Variants in KIF5A observed in about 807,000 individuals in gnomAD.
KIF5A encodes kinesin heavy chain isoform 5A.
In KIF5A, 35 loss-of-function variants were observed where a neutral mutation model predicts 141.3. That is an observed-to-expected ratio of 0.25 (90% CI 0.19 to 0.33). KIF5A has a LOEUF of 0.33. Among genes scored for constraint, KIF5A ranks in the 10% least tolerant of loss-of-function variants. The probability of loss-of-function intolerance (pLI) is 1.00; values close to 1 mark genes in which losing one functional copy is unlikely to be tolerated. For missense variants in KIF5A, 861 were observed against 1,314.3 expected (o/e 0.66, Z 5.33); for synonymous variants, 448 against 500.2 (o/e 0.90, Z 1.39).
intron 19 of KIF5A, 100 bp from the exon 20 acceptor site, chr12:57,576,661 C>T (rs916827945): frequency 8.9e-5 from 78 of 879,422 alleles, no homozygotes; most frequent in Non-Finnish European, 7.1e-5. Flanking sequence ...TCTAACTGGA[C>T]TCACTCGTTC....
chr12:57,581,422 C>T lies in KIF5A; in HGVS notation c.2763C>T (p.Pro921=), dbSNP rs769791770. The part of the protein sequence containing the change: ...KRGHSAQIAK[P]VRPGHYPASS... ...TTTCTTTCTTTATTGCAGCCAAACC[C>T]GTCCGGCCTGGCCACTACCCAGCAT... Residue 921 remains proline, a synonymous_variant, in exon 25 of 29, where the codon CCC becomes CCT. Transcript: ENST00000455537. The T allele has an allele frequency of 1.6e-5, 26 of 1,613,928 alleles. No individual in the cohort carries two copies. Among genetic ancestry groups the T allele is most frequent in the South Asian group, 7.7e-5 (7 of 91,078 alleles).
Position 57,575,673 on chromosome 12 carries a change from A to C in KIF5A, c.1939A>C (p.Met647Leu). Reference sequence around the variant, plus strand: ...CAAGATCCGCTCGCTTACGGAATACATGCAGAGCGTGGAGCTAAAGAAGCG... The same window carrying C: ...CAAGATCCGCTCGCTTACGGAATACCTGCAGAGCGTGGAGCTAAAGAAGCG... ...EAKIRSLTEYMQSVELKKRHL... is the reference protein window; with the variant it reads ...EAKIRSLTEYLQSVELKKRHL... Residue 647 changes from methionine to leucine, a missense_variant, in exon 17 of 29, where the codon ATG (methionine) becomes CTG (leucine). Transcript: ENST00000455537. The C allele has an allele frequency of 6.2e-7, 1 of 1,614,172 alleles. No homozygotes were observed. The highest frequency in any genetic ancestry group is 8.5e-7 in the Non-Finnish European group (1 of 1,180,018).
In KIF5A at chr12:57,565,687, C is replaced by T. The variant is rs540013411; in HGVS notation, c.501+714C>T. Among the ~76,000 whole-genome samples, 5 of 143,654 alleles carry T rather than the reference C, an allele frequency of 3.5e-5. No individual in the cohort carries two copies. In the Admixed American group the frequency reaches 3.5e-4, roughly 10 times the overall value. The allele number at this position is 143,654 out of a possible 152,430, so 94.2% of individuals were successfully genotyped here. Reference sequence around the variant, plus strand: ...TTGCCCAGGCTGGAGTGCAGTGGCTCGACCTAGGGTCACTGCAACCTCCCT... The same window carrying T: ...TTGCCCAGGCTGGAGTGCAGTGGCTTGACCTAGGGTCACTGCAACCTCCCT... On this transcript the variant is annotated intron_variant, in intron 6 of 28. Coordinates refer to ENST00000455537, the MANE Select transcript of KIF5A (RefSeq NM_004984.4).
rs1476843909 is a variant in KIF5A, at chr12:57,581,146, G to A, written c.2729G>A (p.Gly910Asp). 4.3e-6 allele frequency: 7 copies of A among 1,613,932 alleles called. 1 individual carries two copies. In the South Asian group the frequency reaches 7.7e-5, roughly 18 times the overall value. The change falls in exon 24 of 29, where the codon GGC (glycine) becomes GAC (aspartate). Residue 910 changes from glycine to aspartate, a missense_variant. Around this residue, in one of 5 missense-constraint regions of KIF5A, gnomAD observed 482 missense variants for 661.3 expected, o/e 0.73. Transcript: ENST00000455537. ...IKEAVRYKSS[G>D]KRGHSAQIAK... ...GAGGCCGTTCGCTACAAGAGCTCGG[G>A]CAAACGGGGCCATTCTGCCCAGATT...
rs767277745 is a variant in KIF5A, at chr12:57,575,656, G to A, written c.1922G>A (p.Arg641His). 14 of 1,613,930 alleles carry A rather than the reference G, an allele frequency of 8.7e-6. No homozygotes were observed. Among genetic ancestry groups the A allele is most frequent in the East Asian group, 2.2e-5 (1 of 44,894 alleles). The stretch of plus-strand genomic sequence containing the variant: ...TCCCACCAGCATGAGGCCAAGATCC[G>A]CTCGCTTACGGAATACATGCAGAGC... ...LLISQHEAKI[R>H]SLTEYMQSVE... The change falls in exon 17 of 29, where the codon CGC becomes CAC. Residue 641 changes from arginine (R) to histidine (H), a missense_variant. Transcript: ENST00000455537.
At chr12:57,565,171 G>A (rs1369972618) in intron 6 of KIF5A, among the ~76,000 whole-genome samples, 198 bp downstream of exon 6, 3 of 152,172 alleles carry the variant, frequency 2.0e-5, no homozygotes, top group Non-Finnish European at 4.4e-5. Flanking sequence ...TGTAATCCCA[G>A]CACTTTGGGA....
intron 1 of KIF5A, among the ~76,000 whole-genome samples, chr12:57,551,186 T>C (rs968196099): frequency 1.3e-5 from 2 of 152,094 alleles, no homozygotes; most frequent in Non-Finnish European, 2.9e-5. Flanking sequence ...CTCTACCTCA[T>C]CATGACAGCC....
chr12:57,550,764 T>C lies in KIF5A; in HGVS notation c.129+364T>C, dbSNP rs1594904264. Among the ~76,000 whole-genome samples, 1 of 152,182 alleles carries C rather than the reference T, an allele frequency of 6.6e-6. No individual in the cohort carries two copies. The highest frequency in any genetic ancestry group is 1.5e-5 in the Non-Finnish European group (1 of 68,020). On this transcript the variant is annotated intron_variant, in intron 1 of 28. Transcript: ENST00000455537. The surrounding 1 kb of genome is among the most constrained non-coding windows in gnomAD (Gnocchi z 4.6). ...AGCGCATCTTCCCTTTGTTATTGGC[T>C]CAGATCTCTACCCCCACCTCCCGGA...
Position 57,577,694 on chromosome 12 carries a change from C to A in KIF5A, c.2301-19C>A. On this transcript the variant is annotated intron_variant, in intron 20 of 28. Transcript: ENST00000455537. ...AGTCCTGAGGGATCTTTCCATTTCCCTTATTTCTCTTGCTACAGATTTCTG... is the reference window on the plus strand; with the variant it reads ...AGTCCTGAGGGATCTTTCCATTTCCATTATTTCTCTTGCTACAGATTTCTG... 6.2e-7 allele frequency: 1 copy of A among 1,609,204 alleles called. No individual in the cohort carries two copies. The highest frequency in any genetic ancestry group is 8.5e-7 in the Non-Finnish European group (1 of 1,175,676).
intron 28 of KIF5A, 60 bp from the exon 29 acceptor site, chr12:57,584,157 TC>T (rs1253889117): frequency 2.0e-5 from 3 of 152,564 alleles, no homozygotes; most frequent in Non-Finnish European, 4.4e-5. Flanking sequence ...TGCCACCTGT[TC>T]CTGTTCTGTG....
At chr12:57,564,046 C>T in intron 3 of KIF5A, 62 bp from the exon 4 acceptor site, 1 of 1,168,812 alleles carries the variant, frequency 8.6e-7, no homozygotes, top group Non-Finnish European at 1.3e-6. Flanking sequence ...CACCTGCATA[C>T]ATCTGAGTTG....
chr12:57,552,868 T>C (rs1447253516), intron 1 of KIF5A, among the ~76,000 whole-genome samples: 3 of 152,116 alleles, frequency 2.0e-5, no homozygotes, highest in African/African-American at 7.2e-5. Flanking sequence ...TCTGCAGCAC[T>C]GCGGCCAGCG....
intron 15 of KIF5A, among the ~76,000 whole-genome samples, chr12:57,574,081 CA>C (rs1160470796): frequency 0.023 from 1,490 of 64,302 alleles, 17 homozygotes; most frequent in African/African-American, 0.064. Context: ...GACTCTGTCT[CA>C]AAAAAAAAAA....
intron 1 of KIF5A, among the ~76,000 whole-genome samples, chr12:57,562,319 G>A (rs768622925): frequency 3.9e-5 from 6 of 152,144 alleles, no homozygotes; most frequent in Non-Finnish European, 5.9e-5. Context: ...GGGTTCAAGC[G>A]ATTCTCCTGC....
Position 57,572,464 on chromosome 12 carries a change from C to T in KIF5A, c.1570-116C>T, listed in dbSNP as rs1882286513. On this transcript the variant is annotated intron_variant, in intron 14 of 28. Transcript: ENST00000455537. The surrounding 1 kb of genome is among the most constrained non-coding windows in gnomAD (Gnocchi z 4.2). ...CTGTCTTTCAGACTCTTCTGCAGGG[C>T]CTGTGTTCTCTTCATAGCAGCCCTC... 1 of 1,405,552 alleles carries T rather than the reference C, an allele frequency of 7.1e-7. No homozygotes were observed. The highest frequency in any genetic ancestry group is 9.9e-7 in the Non-Finnish European group (1 of 1,011,274). 87.1% of individuals were successfully genotyped at this position (1,405,552 alleles called of 1,614,324 possible).
chr12:57,575,129 C>G lies in KIF5A; in HGVS notation c.1762C>G (p.Arg588Gly). The G allele has an allele frequency of 6.2e-7, 1 of 1,614,008 alleles. No individual in the cohort carries two copies. Among genetic ancestry groups the G allele is most frequent in the Non-Finnish European group, 8.5e-7 (1 of 1,179,986 alleles). ...CATCGAGGAGGAGTTCACTGTGGCC[C>G]GACTCTACATCAGCAAAATCAAATC... ...GAIEEEFTVA[R>G]LYISKIKSEV... The change falls in exon 16 of 29, where the codon CGA becomes GGA. Residue 588 changes from arginine to glycine, a missense_variant. Arg to Gly is a moderately radical substitution (Grantham distance 125). Transcript: ENST00000455537.
At chr12:57,565,210 G>A (rs754287064) in intron 6 of KIF5A, among the ~76,000 whole-genome samples, 2 of 151,422 alleles carry the variant, frequency 1.3e-5, no homozygotes, top group Non-Finnish European at 3.0e-5. Context: ...ACTTGAGGCC[G>A]GGAGTTCAAG....
At position 57,564,131 on chromosome 12, in the gene KIF5A, G is replaced by A. The variant is rs1035901721; in HGVS notation, c.315G>A (p.Leu105=). The change falls in exon 4 of 29, where the codon CTG becomes CTA. Residue 105 remains leucine (L), a synonymous_variant. Coordinates refer to ENST00000455537, the MANE Select transcript of KIF5A (RefSeq NM_004984.4). Reference sequence around the variant, plus strand: ...AGGGAAAGCTGCACGACCCTCAGCTGATGGGAATCATTCCTCGAATTGCCC... The same window carrying A: ...AGGGAAAGCTGCACGACCCTCAGCTAATGGGAATCATTCCTCGAATTGCCC... The part of the protein sequence containing the change: ...TMEGKLHDPQ[L]MGIIPRIARD... 3 of 1,614,048 alleles carry A rather than the reference G, an allele frequency of 1.9e-6. No homozygotes were observed. Among genetic ancestry groups the A allele is most frequent in the Non-Finnish European group, 2.5e-6 (3 of 1,179,942 alleles).
At chr12:57,566,977 T>C (rs1390640855) in intron 6 of KIF5A, 149 bp from the exon 7 acceptor site, 1 of 299,444 alleles carries the variant, frequency 3.3e-6, no homozygotes, top group African/African-American at 2.3e-5. Context: ...GAGGTGGAGG[T>C]TGCAGTGAGC....
Sources: gnomAD v4.1 joint callset for allele counts (sites outside exome capture counted in the v4.1 genomes callset) on GRCh38, gnomAD v4.1.1 for gene constraint, gnomAD v4.1.1 regional missense constraint, Gnocchi (gnomAD v3.1) non-coding constraint, MANE v1.5 for transcripts, NCBI Gene and HGNC (gene_info 2026-07-23, HGNC 2026-07-21) for gene names.